LRRC37A2: variants seen among roughly 807,000 people sequenced by gnomAD.
The protein encoded by LRRC37A2 is leucine-rich repeat-containing protein 37A2.
In LRRC37A2, 9 loss-of-function variants were observed where a neutral mutation model predicts 68.8. The observed-to-expected ratio is 0.13, with a 90% CI of 0.08 to 0.23. The LOEUF is 0.23. Ranked by LOEUF, LRRC37A2 falls within the 10% of genes least tolerant of loss-of-function variation. LRRC37A2 has a pLI of 1.00. For synonymous variants in LRRC37A2, 63 were observed against 367.6 expected (o/e 0.17, Z 9.48); for missense variants, 168 against 950.4 (o/e 0.18, Z 10.82).
the LRRC37A2 span, chr17:46,755,470 A>G: frequency 2.0e-6 from 2 of 1,015,314 alleles, no homozygotes; most frequent in Non-Finnish European, 3.1e-6. Context: ...GTTTGTTTCC[A>G]TTTATTTGAA....
At chr17:46,830,373 TCCTGAGTGG>T in the LRRC37A2 span, among the ~76,000 whole-genome samples, 4 of 152,302 alleles carry the variant, frequency 2.6e-5, no homozygotes, top group South Asian at 8.3e-4. Context: ...CACTTCAGCC[TCCTGAGTGG>T]CTGAGACCAC....
chr17:47,019,248 C>T, the LRRC37A2 span: 6 of 1,556,576 alleles, frequency 3.9e-6, no homozygotes, highest in East Asian at 1.1e-4. Context: ...TTCTACAGCC[C>T]TGATGACTAC....
chr17:46,983,066 A>G, the LRRC37A2 span, among the ~76,000 whole-genome samples: 1 of 152,184 alleles, frequency 6.6e-6, no homozygotes, highest in Non-Finnish European at 1.5e-5. Context: ...GTCAGTTACC[A>G]TCAAGTCCTG....
At chr17:46,717,082 AT>A in the LRRC37A2 span, among the ~76,000 whole-genome samples, 1 of 152,226 alleles carries the variant, frequency 6.6e-6, no homozygotes, top group Non-Finnish European at 1.5e-5. Flanking sequence ...GTGGAATGGA[AT>A]CAACCTGAAT....
At chr17:46,966,775 G>A in the LRRC37A2 span, 1 of 448,584 alleles carries the variant, frequency 2.2e-6, no homozygotes, top group East Asian at 3.4e-5. Flanking sequence ...AATAGCACCT[G>A]CCTTGCAAGA....
At chr17:46,934,868 C>A in the LRRC37A2 span, among the ~76,000 whole-genome samples, 7 of 152,192 alleles carry the variant, frequency 4.6e-5, no homozygotes, top group African/African-American at 1.7e-4. Context: ...AGAGGCCACC[C>A]CAGGCCTTTG....
chr17:46,775,511 G>A, the LRRC37A2 span, among the ~76,000 whole-genome samples: 1 of 152,112 alleles, frequency 6.6e-6, no homozygotes, highest in East Asian at 1.9e-4. Flanking sequence ...AGGAACTGAG[G>A]AGCCAGATCT....
At chr17:46,741,322 A>G in the LRRC37A2 span, among the ~76,000 whole-genome samples, 4 of 152,208 alleles carry the variant, frequency 2.6e-5, no homozygotes, top group Non-Finnish European at 4.4e-5. Context: ...GATATCCTTT[A>G]ATATCATGAA....
At chr17:46,811,865 G>A in the LRRC37A2 span, among the ~76,000 whole-genome samples, 1 of 152,208 alleles carries the variant, frequency 6.6e-6, no homozygotes. Context: ...GCTGAGGCAG[G>A]AGAATTGCTT....
the LRRC37A2 span, among the ~76,000 whole-genome samples, chr17:46,605,305 G>A: frequency 0.012 from 722 of 62,236 alleles, no homozygotes; most frequent in African/African-American, 0.048. Context: ...AAAATTAGCC[G>A]GGCGTGGTGG....
At chr17:46,937,558 C>T in the LRRC37A2 span, 1 of 152,208 alleles carries the variant, frequency 6.6e-6, no homozygotes, top group Non-Finnish European at 1.5e-5. Context: ...ACCATTTCAC[C>T]TCTGAAAGAT....
At chr17:46,826,989 C>G in the LRRC37A2 span, among the ~76,000 whole-genome samples, 1 of 152,130 alleles carries the variant, frequency 6.6e-6, no homozygotes, top group Non-Finnish European at 1.5e-5. Context: ...GTTGGCCAGG[C>G]TGGTCTTGAA....
At chr17:46,490,810 A>G in the LRRC37A2 span, among the ~76,000 whole-genome samples, 1 of 150,298 alleles carries the variant, frequency 6.7e-6, no homozygotes, top group African/African-American at 2.5e-5. Flanking sequence ...AACCCAGAAC[A>G]TTAATATTTT....
At chr17:46,882,240 A>G in the LRRC37A2 span, among the ~76,000 whole-genome samples, 4 of 152,124 alleles carry the variant, frequency 2.6e-5, no homozygotes, top group Non-Finnish European at 5.9e-5. Flanking sequence ...CGTTGTTTTC[A>G]TGTCTCTCCA....
chr17:47,009,155 T>C, the LRRC37A2 span, among the ~76,000 whole-genome samples: 1 of 152,036 alleles, frequency 6.6e-6, no homozygotes, highest in East Asian at 1.9e-4. Flanking sequence ...GCAAAGAAAT[T>C]GTATGATCTT....
chr17:46,940,194 G>C, the LRRC37A2 span: 1 of 1,385,180 alleles, frequency 7.2e-7, no homozygotes, highest in Non-Finnish European at 9.3e-7. Context: ...CTCCCCTTTG[G>C]TAAGTTTTCT....
At chr17:46,769,775 G>C in the LRRC37A2 span, 5 of 1,609,508 alleles carry the variant, frequency 3.1e-6, no homozygotes, top group Non-Finnish European at 3.4e-6. Flanking sequence ...GAGGGTAGCC[G>C]GGCTCACCGT....
chr17:46,748,209 T>C, the LRRC37A2 span, among the ~76,000 whole-genome samples: 2 of 151,902 alleles, frequency 1.3e-5, no homozygotes, highest in African/African-American at 2.4e-5. Flanking sequence ...GACTCTTGGG[T>C]TCAAGCATTC....
At chr17:46,588,692 CAAAA>C in the LRRC37A2 span, among the ~76,000 whole-genome samples, 1 of 30,348 alleles carries the variant, frequency 3.3e-5, no homozygotes, top group Non-Finnish European at 6.4e-5. Context: ...GTCAAGGTGT[CAAAA>C]AAAAAAAAAA....
Sources: gnomAD v4.1 joint callset for allele counts (sites outside exome capture counted in the v4.1 genomes callset) on GRCh38, gnomAD v4.1.1 for gene constraint, MANE v1.5 for transcripts, NCBI Gene and HGNC (gene_info 2026-07-23, HGNC 2026-07-21) for gene names.